SLIT2: variants seen among roughly 807,000 people sequenced by gnomAD.
The protein encoded by SLIT2 is slit guidance ligand 2, also known as slit homolog 2 protein.
In SLIT2, 41 loss-of-function variants were observed where a neutral mutation model predicts 185.7. The ratio of observed to expected loss-of-function variants is 0.22; its 90% CI spans 0.17 to 0.29. SLIT2 has a LOEUF of 0.29. Among genes scored for constraint, SLIT2 ranks in the 10% least tolerant of loss-of-function variants. SLIT2 has a pLI of 1.00. For synonymous variants in SLIT2, 693 were observed against 680.2 expected, an observed-to-expected ratio of 1.02 and a Z score of -0.29; for missense variants, 1,571 against 1,909.0, an observed-to-expected ratio of 0.82 and a Z score of 3.30.
chr4:20,592,610 G>A (rs1465835498), intron 30 of SLIT2, among the ~76,000 whole-genome samples: 1 of 152,148 alleles, frequency 6.6e-6, no homozygotes, highest in East Asian at 1.9e-4. Context: ...CCGCTATGGT[G>A]GATGTGTTGT....
intron 4 of SLIT2, among the ~76,000 whole-genome samples, chr4:20,291,647 C>A (rs1194005789): frequency 6.6e-6 from 1 of 150,464 alleles, no homozygotes; most frequent in African/African-American, 2.4e-5. Flanking sequence ...AAAAATGTAT[C>A]GTATATTGGT....
At chr4:20,490,409 A>C (rs1717678003) in intron 8 of SLIT2, among the ~76,000 whole-genome samples, 1 of 151,936 alleles carries the variant, frequency 6.6e-6, no homozygotes, top group Admixed American at 6.6e-5. Context: ...ACCCCCATAC[A>C]TAGTATCTTA....
intron 4 of SLIT2, among the ~76,000 whole-genome samples, chr4:20,292,187 C>G (rs1716016856): frequency 6.6e-6 from 1 of 152,066 alleles, no homozygotes; most frequent in South Asian, 2.1e-4. Flanking sequence ...AATTGTAGAT[C>G]TAAAACAACC....
At chr4:20,311,409 G>T (rs528683097) in intron 4 of SLIT2, among the ~76,000 whole-genome samples, 6 of 152,272 alleles carry the variant, frequency 3.9e-5, no homozygotes, top group Non-Finnish European at 7.4e-5. Flanking sequence ...ACATTTTTGT[G>T]TTCGAAAGTC....
At chr4:20,396,307 A>G (rs1049817195) in intron 4 of SLIT2, among the ~76,000 whole-genome samples, 3 of 151,936 alleles carry the variant, frequency 2.0e-5, no homozygotes, top group Non-Finnish European at 4.4e-5. Flanking sequence ...AAAAGAATAA[A>G]TGAAGGCACA....
intron 11 of SLIT2, among the ~76,000 whole-genome samples, chr4:20,512,100 A>G (rs1719808831): frequency 6.6e-6 from 1 of 152,220 alleles, no homozygotes; most frequent in African/African-American, 2.4e-5. Flanking sequence ...TCAGATTTAA[A>G]TATTCGAAAG....
intron 4 of SLIT2, among the ~76,000 whole-genome samples, chr4:20,291,902 CTCTGTG>C (rs1715978711): frequency 1.1e-5 from 1 of 91,832 alleles, no homozygotes; most frequent in South Asian, 4.7e-4. Context: ...TCCTGCACAC[CTCTGTG>C]TGTGTGTGTG....
At chr4:20,349,925 A>G (rs1253088136) in intron 4 of SLIT2, among the ~76,000 whole-genome samples, 3 of 152,170 alleles carry the variant, frequency 2.0e-5, no homozygotes, top group Non-Finnish European at 4.4e-5. Context: ...ACACAACTTT[A>G]CAATGCACTG....
At chr4:20,402,854 T>A (rs962631452) in intron 4 of SLIT2, among the ~76,000 whole-genome samples, 7 of 151,878 alleles carry the variant, frequency 4.6e-5, no homozygotes, top group African/African-American at 1.7e-4. Flanking sequence ...AAGAAGGTAA[T>A]ATAAGTTGAA....
rs537817548 is a variant in SLIT2 at position 20,307,840 on chromosome 4, G to T, written c.395+38959G>T. On this transcript the variant is annotated intron_variant, in intron 4 of 36. Transcript: ENST00000504154. ...GCAGTAACTTGCCCAAGCTCACATG[G>T]ATAGTGTGAGGCAGAACTGGGATTT... is the stretch of plus-strand genomic sequence containing the variant. Among the ~76,000 whole-genome samples the T allele has an allele frequency of 3.3e-5, 5 of 152,198 alleles. No homozygotes were observed. In the East Asian group the frequency reaches 7.7e-4, roughly 24 times the overall value.
chr4:20,360,381 A>G (rs1722646877), intron 4 of SLIT2, among the ~76,000 whole-genome samples: 1 of 152,120 alleles, frequency 6.6e-6, no homozygotes, highest in Admixed American at 6.6e-5. Flanking sequence ...TGGTTTCATG[A>G]CCTCATTTCA....
intron 4 of SLIT2, among the ~76,000 whole-genome samples, chr4:20,377,165 C>G (rs2109332810): frequency 6.6e-6 from 1 of 152,030 alleles, no homozygotes; most frequent in East Asian, 1.9e-4. Flanking sequence ...ACAATATTAA[C>G]AAATTTGAAT....
chr4:20,569,577 C>G (rs1725391923), intron 29 of SLIT2, among the ~76,000 whole-genome samples: 1 of 152,002 alleles, frequency 6.6e-6, no homozygotes. Context: ...AACTTCCTCC[C>G]TATTCAAACC....
intron 4 of SLIT2, among the ~76,000 whole-genome samples, chr4:20,291,486 ATATATATTTTTTTTTTTTTTTTTTTTT>A (rs1297839137): frequency 3.6e-3 from 37 of 10,270 alleles, no homozygotes; most frequent in African/African-American, 0.011. Flanking sequence ...ATATATATAT[ATATATATTTTTTTTTTTTTTTTTTTTT>A]TTTTTTTTTT....
chr4:20,377,028 A>G (rs1194339437), intron 4 of SLIT2, among the ~76,000 whole-genome samples: 1 of 152,192 alleles, frequency 6.6e-6, no homozygotes, highest in African/African-American at 2.4e-5. Flanking sequence ...TAATTTAAAA[A>G]AAGTAAAAAA....
intron 33 of SLIT2, among the ~76,000 whole-genome samples, chr4:20,609,658 A>G (rs1414073735): frequency 1.3e-5 from 2 of 152,204 alleles, no homozygotes; most frequent in Admixed American, 1.3e-4. Flanking sequence ...ATTTGAAGTA[A>G]TAGTATCTTG....
chr4:20,564,152 G>T (rs1288474879), intron 26 of SLIT2, among the ~76,000 whole-genome samples: 1 of 151,722 alleles, frequency 6.6e-6, no homozygotes, highest in African/African-American at 2.4e-5. Flanking sequence ...GATTAAAGTT[G>T]TCATTCTCCT....
At chr4:20,500,670 A>G (rs973132623) in intron 9 of SLIT2, among the ~76,000 whole-genome samples, 11 of 152,178 alleles carry the variant, frequency 7.2e-5, no homozygotes, top group African/African-American at 2.2e-4. Context: ...CCATGGAAAC[A>G]CTATGTAGGA....
intron 4 of SLIT2, among the ~76,000 whole-genome samples, chr4:20,408,096 T>C (rs1726913679): frequency 6.6e-6 from 1 of 152,186 alleles, no homozygotes; most frequent in Non-Finnish European, 1.5e-5. Flanking sequence ...AATTATAAAG[T>C]TCCATACAAA....
Sources: allele counts gnomAD v4.1 joint callset (sites outside exome capture counted in the v4.1 genomes callset), GRCh38; gene constraint gnomAD v4.1.1; transcripts MANE v1.5; gene names NCBI Gene and HGNC (gene_info 2026-07-23, HGNC 2026-07-21).